Variants in SWAP70 observed in about 807,000 individuals in gnomAD.
The protein encoded by SWAP70 is switch-associated protein 70.
A neutral mutation model predicts 80.2 loss-of-function variants in SWAP70; 34 were observed. The ratio of observed to expected loss-of-function variants is 0.42; its 90% CI spans 0.32 to 0.56. SWAP70 has a LOEUF of 0.56. Among genes scored for constraint, SWAP70 ranks in the 20% least tolerant of loss-of-function variants. SWAP70 has a pLI of 0.09. For missense variants in SWAP70, 578 were observed against 690.7 expected (o/e 0.84, Z 1.83); for synonymous variants, 239 against 238.5 (o/e 1.00, Z -0.02).
intron 1 of SWAP70, among the ~76,000 whole-genome samples, chr11:9,678,786 A>AT (rs1483168486): frequency 6.6e-6 from 1 of 152,132 alleles, no homozygotes; most frequent in East Asian, 1.9e-4. Flanking sequence ...CGTGAGGGTT[A>AT]TAGAACCTTA....
intron 9 of SWAP70, among the ~76,000 whole-genome samples, chr11:9,744,431 A>C (rs1346616329): frequency 6.6e-6 from 1 of 152,222 alleles, no homozygotes; most frequent in Non-Finnish European, 1.5e-5. Flanking sequence ...TCAAGCATTT[A>C]TCCTTAGTCT....
chr11:9,724,072 C>A (rs555411729), intron 3 of SWAP70, among the ~76,000 whole-genome samples: 5 of 152,300 alleles, frequency 3.3e-5, no homozygotes, highest in Admixed American at 3.3e-4. Context: ...CTGCTCCTGG[C>A]CTAACTGCTA....
At chr11:9,722,574 G>A (rs1851153277) in intron 3 of SWAP70, among the ~76,000 whole-genome samples, 3 of 152,192 alleles carry the variant, frequency 2.0e-5, no homozygotes, top group Admixed American at 2.0e-4. Context: ...GCTTCCAGGT[G>A]GTGCCGACGT....
intron 9 of SWAP70, chr11:9,741,937 T>TAAAAAAAAAAAA (rs1564835024): frequency 3.1e-5 from 1 of 32,496 alleles, no homozygotes; most frequent in South Asian, 7.2e-4. Flanking sequence ...AACCTCATCT[T>TAAAAAAAAAAAA]TAAAAAAAAA....
intron 2 of SWAP70, among the ~76,000 whole-genome samples, chr11:9,700,471 T>C (rs11042473): frequency 0.1 from 15,694 of 152,212 alleles, 1,580 homozygotes; most frequent in African/African-American, 0.26. Context: ...ATCAGCTATG[T>C]AGAGAAAATA....
At chr11:9,720,339 C>T in intron 3 of SWAP70, 1 of 985,408 alleles carries the variant, frequency 1.0e-6, no homozygotes, top group South Asian at 4.7e-5. Flanking sequence ...AGGGCACCTT[C>T]AGAAAGGTTC....
intron 1 of SWAP70, among the ~76,000 whole-genome samples, chr11:9,680,605 AG>A (rs771225764): frequency 4.6e-5 from 7 of 152,046 alleles, no homozygotes; most frequent in Admixed American, 1.3e-4. Flanking sequence ...TAGTAGAGAA[AG>A]GGTTTCACCA....
intron 7 of SWAP70, among the ~76,000 whole-genome samples, chr11:9,732,923 A>G (rs944000916): frequency 6.6e-6 from 1 of 151,744 alleles, no homozygotes; most frequent in Non-Finnish European, 1.5e-5. Context: ...CAGCAAAAAC[A>G]TTTCATTGGC....
chr11:9,744,006 A>G (rs1468741885), intron 9 of SWAP70, among the ~76,000 whole-genome samples: 2 of 146,178 alleles, frequency 1.4e-5, no homozygotes, highest in East Asian at 4.0e-4. Flanking sequence ...TCTGTCACCC[A>G]GACTGGAGTG....
intron 7 of SWAP70, among the ~76,000 whole-genome samples, chr11:9,735,248 C>T (rs142818127): frequency 1.3e-5 from 2 of 152,252 alleles, no homozygotes; most frequent in South Asian, 2.1e-4. Context: ...GTTAAACACA[C>T]AAAAGTATAT....
intron 7 of SWAP70, among the ~76,000 whole-genome samples, chr11:9,734,555 T>C (rs1156910868): frequency 2.0e-5 from 3 of 152,360 alleles, no homozygotes; most frequent in African/African-American, 4.8e-5. Context: ...CGCTTAGTAA[T>C]CTTTGATTTT....
At position 9,718,664 on chromosome 11, in the gene SWAP70, T is replaced by TG. The variant is rs200847718; in HGVS notation, c.414+5028dup. ...TCATAATTTTTCATGAACATATAGG[T>TG]GGGTTTAACTTGTTATCAGTAGTTT... On this transcript the variant is annotated intron_variant, in intron 3 of 11. Transcript: ENST00000318950. Among the ~76,000 whole-genome samples, 834 of 137,614 alleles carry TG rather than the reference T, an allele frequency of 6.1e-3. 5 individuals are homozygous for TG. The highest frequency in any genetic ancestry group is 0.021 in the African/African-American group (777 of 37,346). 90.3% of individuals were successfully genotyped at this position (137,614 alleles called of 152,430 possible). A position where few individuals can be genotyped will look rare whatever the true frequency, so the allele number is the denominator to read the frequency against.
At chr11:9,687,713 T>C (rs1850649810) in intron 1 of SWAP70, among the ~76,000 whole-genome samples, 1 of 152,114 alleles carries the variant, frequency 6.6e-6, no homozygotes, top group Admixed American at 6.5e-5. Flanking sequence ...TTCCTTAATC[T>C]GTCTGTAAGT....
At chr11:9,671,508 A>G (rs1458708093) in intron 1 of SWAP70, among the ~76,000 whole-genome samples, 40 of 91,160 alleles carry the variant, frequency 4.4e-4, no homozygotes, top group Non-Finnish European at 7.4e-4. Flanking sequence ...ATAAATATAT[A>G]TAAATATATA....
Position 9,713,468 on chromosome 11 carries a change from C to A in SWAP70, c.243C>A (p.Val81=). The A allele has an allele frequency of 1.2e-6, 2 of 1,609,606 alleles. No homozygotes were observed. The highest frequency in any genetic ancestry group is 8.5e-7 in the Non-Finnish European group (1 of 1,178,478). The change falls in exon 3 of 12, where the codon GTC becomes GTA. Residue 81 remains valine, a splice_region_variant and synonymous_variant. Transcript: ENST00000318950. ...PYLNRFILEK[V]QDNFDKIEFN... is the part of the protein sequence containing the mutation. ...AGTTTTTCCTTATTCCTTTTTAGGT[C>A]CAAGACAACTTTGACAAGATTGAAT... is the stretch of plus-strand genomic sequence containing the variant.
intron 2 of SWAP70, among the ~76,000 whole-genome samples, chr11:9,710,593 G>C (rs1850983345): frequency 6.6e-6 from 1 of 151,214 alleles, no homozygotes; most frequent in South Asian, 2.1e-4. Flanking sequence ...ATGCTTCGCT[G>C]ATGTTATTCT....
intron 2 of SWAP70, among the ~76,000 whole-genome samples, chr11:9,701,654 A>C (rs73410140): frequency 0.096 from 13,837 of 144,058 alleles, 1,420 homozygotes; most frequent in African/African-American, 0.24. Context: ...AAAGGAATGG[A>C]ATTCTTTAAA....
chr11:9,699,908 G>A (rs189346886), intron 2 of SWAP70, among the ~76,000 whole-genome samples: 6 of 150,260 alleles, frequency 4.0e-5, no homozygotes, highest in Non-Finnish European at 5.9e-5. Context: ...GATACAGACA[G>A]TAAATAGAAT....
intron 9 of SWAP70, among the ~76,000 whole-genome samples, chr11:9,743,794 A>G (rs57422459): frequency 3.2e-3 from 488 of 152,246 alleles, no homozygotes; most frequent in African/African-American, 0.011. Flanking sequence ...TTCTTAAAGC[A>G]ACAGCCGATC....
Sources: allele counts gnomAD v4.1 joint callset (sites outside exome capture counted in the v4.1 genomes callset), GRCh38; gene constraint gnomAD v4.1.1; transcripts MANE v1.5; gene names NCBI Gene and HGNC (gene_info 2026-07-23, HGNC 2026-07-21).